The following TMEM87A variants were observed in gnomAD, a reference collection of about 807,000 sequenced individuals.
TMEM87A encodes Golgi-pH regulating cation channel.
In TMEM87A, 50 loss-of-function variants were observed where a neutral mutation model predicts 90.0. That is an observed-to-expected ratio of 0.56 (90% CI 0.44 to 0.70). The LOEUF (loss-of-function observed/expected upper bound fraction) is 0.70. Among genes scored for constraint, TMEM87A ranks in the 30% least tolerant of loss-of-function variants. The pLI is 0.00. For synonymous variants in TMEM87A, 226 were observed against 226.7 expected (o/e 1.00, Z 0.03); for missense variants, 577 against 660.5 (o/e 0.87, Z 1.39).
intron 19 of TMEM87A, among the ~76,000 whole-genome samples, chr15:42,214,580 C>T (rs2050350191): frequency 1.3e-5 from 2 of 152,158 alleles, no homozygotes; most frequent in African/African-American, 4.8e-5. Flanking sequence ...AGTGGGGAAA[C>T]TGACAGTTTC....
Position 42,211,755 on chromosome 15 carries a change from G to GAAA in TMEM87A, c.1627-9_1627-7dup. On this transcript the variant is annotated splice_polypyrimidine_tract_variant and splice_region_variant and intron_variant, in intron 19 of 19. Coordinates refer to ENST00000389834, the MANE Select transcript of TMEM87A (RefSeq NM_015497.5). Reference sequence around the variant, plus strand: ...AAGTGTGTGATCATTCGTTCCTAGGGAAAAAAAAAAAGGTTGAAGTATATT... The same window carrying GAAA: ...AAGTGTGTGATCATTCGTTCCTAGGGAAAAAAAAAAAAAAGGTTGAAGTATATT... The GAAA allele has an allele frequency of 2.4e-6, 3 of 1,228,442 alleles. No individual in the cohort carries two copies. The highest frequency in any genetic ancestry group is 2.2e-6 in the Non-Finnish European group (2 of 894,808). 76.1% of individuals were successfully genotyped at this position (1,228,442 alleles called of 1,614,324 possible).
chr15:42,257,322 C>T (rs906237967), intron 6 of TMEM87A, among the ~76,000 whole-genome samples: 1 of 151,924 alleles, frequency 6.6e-6, no homozygotes, highest in Non-Finnish European at 1.5e-5. Context: ...AAAAAAAAGC[C>T]CACTACCTCC....
Position 42,227,605 on chromosome 15 carries a change from C to T in TMEM87A, c.1299+106G>A, listed in dbSNP as rs1234535720. 4.1e-6 allele frequency: 4 copies of T among 984,490 alleles called. No homozygotes were observed. In the Admixed American group the frequency reaches 8.1e-5, roughly 20 times the overall value. The allele number at this position is 984,490 out of a possible 1,614,324, so 61.0% of individuals were successfully genotyped here. A position where few individuals can be genotyped will look rare whatever the true frequency, so the allele number is the denominator to read the frequency against. On this transcript the variant is annotated intron_variant, in intron 14 of 19. Transcript: ENST00000389834. ...CAACCCTCAGAGTAGAGACCTAGCT[C>T]TAATTTTTTATAAGGTATATAACTT...
chr15:42,273,506 C>A, upstream of TMEM87A: 1 of 1,523,464 alleles, frequency 6.6e-7, no homozygotes, highest in Non-Finnish European at 8.8e-7. Context: ...CTGGAAACGT[C>A]GCGGAGCTTG....
At chr15:42,215,616 C>T (rs1238607270) in intron 19 of TMEM87A, among the ~76,000 whole-genome samples, 1 of 152,040 alleles carries the variant, frequency 6.6e-6, no homozygotes, top group Admixed American at 6.6e-5. Flanking sequence ...AGAGGGCTTC[C>T]AAATGGCTGA....
At chr15:42,242,717 G>C (rs1346739818) in intron 7 of TMEM87A, among the ~76,000 whole-genome samples, 1 of 152,086 alleles carries the variant, frequency 6.6e-6, no homozygotes, top group South Asian at 2.1e-4. Context: ...AAGCCCATAT[G>C]ATCATTTAAA....
chr15:42,259,360 G>A (rs180805719), intron 6 of TMEM87A, among the ~76,000 whole-genome samples: 2 of 152,292 alleles, frequency 1.3e-5, no homozygotes, highest in African/African-American at 4.8e-5. Flanking sequence ...TGGCTCTCAA[G>A]TGATCTGCCC....
intron 18 of TMEM87A, 177 bp from the exon 19 acceptor site, chr15:42,218,010 G>A (rs1490637722): frequency 1.5e-6 from 1 of 666,574 alleles, no homozygotes; most frequent in Non-Finnish European, 2.5e-6. Context: ...TACAGAAATT[G>A]TATAGAAAAA....
At chr15:42,258,197 T>TA (rs2051219035) in intron 6 of TMEM87A, 1 of 965,310 alleles carries the variant, frequency 1.0e-6, no homozygotes, top group African/African-American at 1.8e-5. Context: ...TTTACCAAAC[T>TA]GACGACATGT....
At chr15:42,261,171 A>T in intron 5 of TMEM87A, 25 bp downstream of exon 5, 4 of 1,610,004 alleles carry the variant, frequency 2.5e-6, no homozygotes, top group Non-Finnish European at 1.7e-6. Flanking sequence ...CTGCACTCTC[A>T]GAAATATATA....
intron 6 of TMEM87A, among the ~76,000 whole-genome samples, chr15:42,246,192 T>C (rs145258850): frequency 6.6e-6 from 1 of 152,364 alleles, no homozygotes; most frequent in African/African-American, 2.4e-5. Flanking sequence ...TCTATATTGC[T>C]GTATGTATCA....
intron 8 of TMEM87A, among the ~76,000 whole-genome samples, chr15:42,237,866 T>C (rs746452857): frequency 1.3e-5 from 2 of 152,156 alleles, no homozygotes; most frequent in Non-Finnish European, 2.9e-5. Context: ...CAAAAATATA[T>C]TCTACCTTCT....
At position 42,272,161 on chromosome 15, in the gene TMEM87A, C is replaced by G. The variant is rs367680933; in HGVS notation, c.145-38G>C. 102 of 1,458,998 alleles carry G rather than the reference C, an allele frequency of 7.0e-5. 1 individual carries two copies. Among genetic ancestry groups the G allele is most frequent in the Non-Finnish European group, 8.8e-5 (93 of 1,055,590 alleles). 90.4% of individuals were successfully genotyped at this position (1,458,998 alleles called of 1,614,324 possible). A position where few individuals can be genotyped will look rare whatever the true frequency, so the allele number is the denominator to read the frequency against. On this transcript the variant is annotated intron_variant, in intron 1 of 19. Coordinates refer to ENST00000389834, the MANE Select transcript of TMEM87A (RefSeq NM_015497.5). Reference sequence around the variant, plus strand: ...AGGAAAGATAATTAGCCTCAGATGGCTTCAATTACCAAAGCATCATATAAC... The same window carrying G: ...AGGAAAGATAATTAGCCTCAGATGGGTTCAATTACCAAAGCATCATATAAC...
chr15:42,264,966 T>C (rs2051373624), intron 3 of TMEM87A, among the ~76,000 whole-genome samples: 1 of 152,132 alleles, frequency 6.6e-6, no homozygotes, highest in African/African-American at 2.4e-5. Flanking sequence ...CGCTTTCTGT[T>C]CCTGTGTTAG....
In TMEM87A at chr15:42,228,777, C is replaced by T; in HGVS notation, c.1175G>A (p.Arg392Gln). ...CAAAGAGAGTTTTACAATGTTCCTC[C>T]GAAGTTTTAATAGCTTCATTGTTTG... ...LTQTMKLLKL[R>Q]RNIVKLSLYR... The change falls in exon 13 of 20, where the codon CGG (arginine) becomes CAG (glutamine). Residue 392 changes from arginine (R) to glutamine (Q), a missense_variant. Coordinates refer to ENST00000389834, the MANE Select transcript of TMEM87A (RefSeq NM_015497.5). 6.2e-7 allele frequency: 1 copy of T among 1,606,550 alleles called. No homozygotes were observed. The highest frequency in any genetic ancestry group is 8.5e-7 in the Non-Finnish European group (1 of 1,177,770).
chr15:42,221,016 T>C (rs1041033205), intron 15 of TMEM87A, among the ~76,000 whole-genome samples: 4 of 152,144 alleles, frequency 2.6e-5, no homozygotes, highest in Non-Finnish European at 2.9e-5. Flanking sequence ...GGTGCACGCC[T>C]GTAATTCCAG....
intron 6 of TMEM87A, among the ~76,000 whole-genome samples, chr15:42,252,083 G>C (rs1033305818): frequency 1.3e-5 from 2 of 152,250 alleles, no homozygotes; most frequent in Non-Finnish European, 2.9e-5. Flanking sequence ...CTGGTGTGCC[G>C]TTTGCTAAGA....
chr15:42,260,877 A>G, intron 6 of TMEM87A, 81 bp downstream of exon 6: 1 of 1,445,128 alleles, frequency 6.9e-7, no homozygotes, highest in Non-Finnish European at 9.5e-7. Context: ...TTAGCATAGT[A>G]TGGGAGAACA....
intron 3 of TMEM87A, among the ~76,000 whole-genome samples, chr15:42,265,077 C>T (rs2051376231): frequency 6.6e-6 from 1 of 152,052 alleles, no homozygotes; most frequent in South Asian, 2.1e-4. Context: ...TTTTTTATGG[C>T]CGCATATGTA....
Sources: allele counts gnomAD v4.1 joint callset (sites outside exome capture counted in the v4.1 genomes callset), GRCh38; gene constraint gnomAD v4.1.1; transcripts MANE v1.5; gene names NCBI Gene and HGNC (gene_info 2026-07-23, HGNC 2026-07-21).